Variants in ZNF804A observed in about 807,000 individuals in gnomAD.
The protein encoded by ZNF804A is zinc finger protein 804A.
A neutral mutation model predicts 16.5 loss-of-function variants in ZNF804A; 2 were observed. The observed-to-expected ratio is 0.12, with a 90% confidence interval of 0.05 to 0.38. The LOEUF (loss-of-function observed/expected upper bound fraction) is 0.38. Among genes scored for constraint, ZNF804A ranks in the 10% least tolerant of loss-of-function variants. The probability of loss-of-function intolerance (pLI) is 0.99; values close to 1 mark genes in which losing one functional copy is unlikely to be tolerated. For synonymous variants in ZNF804A, 534 were observed against 489.6 expected, an observed-to-expected ratio of 1.09 and a Z score of -1.20; for missense variants, 1,473 against 1,390.7, an observed-to-expected ratio of 1.06 and a Z score of -0.94.
chr2:184,850,268 G>C (rs533191770), intron 1 of ZNF804A, among the ~76,000 whole-genome samples: 6 of 151,858 alleles, frequency 4.0e-5, no homozygotes, highest in African/African-American at 1.4e-4. Context: ...TGAGGTGATG[G>C]ATACTCCAAT....
At chr2:184,689,677 G>A (rs1692698661) in intron 1 of ZNF804A, among the ~76,000 whole-genome samples, 1 of 152,022 alleles carries the variant, frequency 6.6e-6, no homozygotes, top group Non-Finnish European at 1.5e-5. Context: ...TGCTTAATGA[G>A]TTTTTTATAG....
chr2:184,659,478 AC>A (rs1692132949), intron 1 of ZNF804A, among the ~76,000 whole-genome samples: 1 of 151,980 alleles, frequency 6.6e-6, no homozygotes, highest in Non-Finnish European at 1.5e-5. Flanking sequence ...TATATATAAA[AC>A]AAATATATAT....
At chr2:184,933,845 C>G (rs1685743266) in intron 3 of ZNF804A, 112 bp downstream of exon 3, 1 of 1,106,624 alleles carries the variant, frequency 9.0e-7, no homozygotes, top group African/African-American at 1.6e-5. Context: ...CAGAATAAGG[C>G]ACACATGTTT....
intron 1 of ZNF804A, among the ~76,000 whole-genome samples, chr2:184,684,080 A>T (rs1692586362): frequency 6.6e-6 from 1 of 152,208 alleles, no homozygotes; most frequent in South Asian, 2.1e-4. Flanking sequence ...AAGCAGGCAG[A>T]TGGCTGTAGA....
chr2:184,912,174 A>G (rs761089389), intron 2 of ZNF804A, among the ~76,000 whole-genome samples: 11 of 152,044 alleles, frequency 7.2e-5, no homozygotes, highest in Non-Finnish European at 1.3e-4. Flanking sequence ...TCCTAGCACT[A>G]GGTGACCAAT....
intron 1 of ZNF804A, among the ~76,000 whole-genome samples, chr2:184,812,726 A>T (rs971742488): frequency 1.4e-4 from 21 of 152,060 alleles, no homozygotes; most frequent in Non-Finnish European, 2.8e-4. Flanking sequence ...CTAAAACATG[A>T]TGAACAAAAG....
chr2:184,606,876 A>G (rs1439768479), intron 1 of ZNF804A, among the ~76,000 whole-genome samples: 1 of 151,868 alleles, frequency 6.6e-6, no homozygotes, highest in Non-Finnish European at 1.5e-5. Context: ...CACACATATC[A>G]TATTGTTCCT....
chr2:184,770,429 G>A (rs1002468349), intron 1 of ZNF804A, among the ~76,000 whole-genome samples: 2 of 152,024 alleles, frequency 1.3e-5, no homozygotes, highest in African/African-American at 4.8e-5. Context: ...TTCAGCATTA[G>A]TAGCCATATA....
intron 1 of ZNF804A, among the ~76,000 whole-genome samples, chr2:184,748,793 C>T (rs1426931265): frequency 6.6e-6 from 1 of 151,370 alleles, no homozygotes; most frequent in African/African-American, 2.4e-5. Flanking sequence ...TAGTTTCGTT[C>T]TTCTGCATAT....
At chr2:184,864,874 G>GGTTTTT (rs1695850835) in intron 1 of ZNF804A, among the ~76,000 whole-genome samples, 1 of 117,040 alleles carries the variant, frequency 8.5e-6, no homozygotes, top group Non-Finnish European at 1.7e-5. Flanking sequence ...ATATAGTTAG[G>GGTTTTT]ATTTTTTTTT....
chr2:184,764,191 T>A (rs1461625058), intron 1 of ZNF804A, among the ~76,000 whole-genome samples: 2 of 151,414 alleles, frequency 1.3e-5, no homozygotes, highest in African/African-American at 2.4e-5. Flanking sequence ...ACATAAAAAT[T>A]ATGACTTTTA....
At chr2:184,744,838 C>G (rs1693764148) in intron 1 of ZNF804A, among the ~76,000 whole-genome samples, 1 of 151,796 alleles carries the variant, frequency 6.6e-6, no homozygotes, top group Non-Finnish European at 1.5e-5. Flanking sequence ...TATAAATATG[C>G]AGTTTATTTT....
intron 2 of ZNF804A, among the ~76,000 whole-genome samples, chr2:184,925,132 G>C (rs1271351695): frequency 1.3e-5 from 2 of 151,954 alleles, no homozygotes; most frequent in Non-Finnish European, 2.9e-5. Flanking sequence ...GAAAGTGGAT[G>C]TTAAAGTCTC....
chr2:184,834,253 T>A (rs551145374), intron 1 of ZNF804A, among the ~76,000 whole-genome samples: 100 of 152,232 alleles, frequency 6.6e-4, no homozygotes, highest in Middle Eastern at 3.4e-3. Context: ...TGTCCAATAT[T>A]TGGCCACTGG....
chr2:184,904,569 A>G (rs1685240153), intron 2 of ZNF804A, among the ~76,000 whole-genome samples: 1 of 152,144 alleles, frequency 6.6e-6, no homozygotes, highest in South Asian at 2.1e-4. Context: ...TTCTTTGGGT[A>G]AATGAAGAAA....
At position 184,894,080 on chromosome 2, in the gene ZNF804A, T is replaced by C. The variant is rs1685027416; in HGVS notation, c.255+27568T>C. 6.6e-5 allele frequency among the ~76,000 whole-genome samples: 10 copies of C among 152,162 alleles called. 2 individuals are homozygous for C. Among genetic ancestry groups the C allele is most frequent in the Admixed American group, 3.3e-4 (5 of 15,288 alleles). On this transcript the variant is annotated intron_variant, in intron 2 of 3. Coordinates refer to ENST00000302277, the MANE Select transcript of ZNF804A (RefSeq NM_194250.2). ...ACTCTGTTTGAGAACAACAATGCAT[T>C]ATTAATTACAAGAAGATCATGTTTT... is the stretch of plus-strand genomic sequence containing the variant.
intron 1 of ZNF804A, among the ~76,000 whole-genome samples, chr2:184,772,355 C>T (rs142998441): frequency 2.9e-4 from 44 of 151,016 alleles, no homozygotes; most frequent in Admixed American, 5.3e-4. Flanking sequence ...CTATAGGTTG[C>T]CTATTCTGAA....
At chr2:184,814,201 T>C (rs1694943304) in intron 1 of ZNF804A, among the ~76,000 whole-genome samples, 1 of 151,852 alleles carries the variant, frequency 6.6e-6, no homozygotes, top group Non-Finnish European at 1.5e-5. Flanking sequence ...TTTCATTATA[T>C]ATCAATACAT....
chr2:184,844,602 C>CT (rs879612264), intron 1 of ZNF804A, among the ~76,000 whole-genome samples: 5,870 of 146,244 alleles, frequency 0.04, 358 homozygotes, highest in African/African-American at 0.14. Flanking sequence ...ATAGGTAACA[C>CT]TTTTTTTTTT....
Sources: gnomAD v4.1 joint callset for allele counts (sites outside exome capture counted in the v4.1 genomes callset) on GRCh38, gnomAD v4.1.1 for gene constraint, MANE v1.5 for transcripts, NCBI Gene and HGNC (gene_info 2026-07-23, HGNC 2026-07-21) for gene names.